Variants in RBFOX1 observed in about 807,000 individuals in gnomAD.
The protein encoded by RBFOX1 is RNA binding fox-1 homolog 1.
A neutral mutation model predicts 57.7 loss-of-function variants in RBFOX1; 8 were observed. That is an observed-to-expected ratio of 0.14 (90% CI 0.08 to 0.25). RBFOX1 has a LOEUF of 0.25. Ranked by LOEUF, RBFOX1 falls within the 10% of genes least tolerant of loss-of-function variation. RBFOX1 has a pLI of 1.00. For synonymous variants in RBFOX1, 326 were observed against 222.4 expected (o/e 1.47, Z -4.15); for missense variants, 611 against 548.5 (o/e 1.11, Z -1.14).
At chr16:7,276,661 C>G (rs1332406028) in intron 4 of RBFOX1, among the ~76,000 whole-genome samples, 1 of 152,178 alleles carries the variant, frequency 6.6e-6, no homozygotes, top group Non-Finnish European at 1.5e-5. Flanking sequence ...CAGGTTACCT[C>G]TCCCAACCTC....
chr16:5,657,959 T>C (rs1171420437), intron 3 of RBFOX1, among the ~76,000 whole-genome samples: 1 of 152,022 alleles, frequency 6.6e-6, no homozygotes, highest in Non-Finnish European at 1.5e-5. Flanking sequence ...CTTGAACTCC[T>C]GATTTCAGGT....
intron 3 of RBFOX1, among the ~76,000 whole-genome samples, chr16:6,788,466 A>ATTTATTT (rs998854922): frequency 4.0e-5 from 6 of 150,804 alleles, no homozygotes; most frequent in South Asian, 2.1e-4. Context: ...ATTATTATTT[A>ATTTATTT]TTTATTTTTT....
intron 3 of RBFOX1, among the ~76,000 whole-genome samples, chr16:6,951,333 G>C (rs1292437220): frequency 6.6e-6 from 1 of 152,138 alleles, no homozygotes; most frequent in African/African-American, 2.4e-5. Flanking sequence ...TGTCATTATT[G>C]TCTGAGGGTA....
At chr16:6,850,738 C>T (rs897654894) in intron 3 of RBFOX1, among the ~76,000 whole-genome samples, 4 of 152,046 alleles carry the variant, frequency 2.6e-5, no homozygotes, top group African/African-American at 9.7e-5. Flanking sequence ...AGTGACAATA[C>T]CAAATGCTGT....
intron 3 of RBFOX1, among the ~76,000 whole-genome samples, chr16:6,715,381 C>A (rs2064587878): frequency 6.6e-6 from 1 of 151,920 alleles, no homozygotes; most frequent in Non-Finnish European, 1.5e-5. Flanking sequence ...AATGCTGCAG[C>A]TTTATCTTGC....
At chr16:5,433,471 G>C (rs2067815748) in intron 1 of RBFOX1, among the ~76,000 whole-genome samples, 1 of 152,180 alleles carries the variant, frequency 6.6e-6, no homozygotes. Context: ...CTGAAAATAG[G>C]ATTATAGCTC....
intron 4 of RBFOX1, among the ~76,000 whole-genome samples, chr16:7,254,782 G>A (rs529799490): frequency 2.6e-5 from 4 of 152,014 alleles, no homozygotes; most frequent in Non-Finnish European, 4.4e-5. Context: ...TACCTAGAAG[G>A]GTGCTTTATG....
At chr16:6,307,542 T>G (rs55863888) in intron 1 of RBFOX1, among the ~76,000 whole-genome samples, 46,588 of 148,490 alleles carry the variant, frequency 0.31, 7,448 homozygotes, top group African/African-American at 0.39. Context: ...ATTTAATATA[T>G]TAAGTCATTA....
intron 4 of RBFOX1, among the ~76,000 whole-genome samples, chr16:7,132,332 G>A (rs2070709592): frequency 6.6e-6 from 1 of 151,624 alleles, no homozygotes; most frequent in Admixed American, 6.6e-5. Context: ...ATTTTTAATT[G>A]AACTCCTATG....
At chr16:5,565,195 G>A (rs1205760420) in intron 2 of RBFOX1, among the ~76,000 whole-genome samples, 1 of 152,154 alleles carries the variant, frequency 6.6e-6, no homozygotes, top group African/African-American at 2.4e-5. Flanking sequence ...CTAATAAGGT[G>A]CCTTTTCCTT....
chr16:6,333,085 GC>G (rs1439971379), intron 2 of RBFOX1, among the ~76,000 whole-genome samples: 1 of 151,976 alleles, frequency 6.6e-6, no homozygotes, highest in African/African-American at 2.4e-5. Flanking sequence ...TGCCACCTAG[GC>G]TGGAGTGCGG....
chr16:6,007,241 T>C (rs2152334519), intron 4 of RBFOX1, among the ~76,000 whole-genome samples: 1 of 152,290 alleles, frequency 6.6e-6, no homozygotes, highest in East Asian at 1.9e-4. Flanking sequence ...AGATATCACT[T>C]CCAAGACTGA....
chr16:7,535,747 C>G (rs2081317470), intron 5 of RBFOX1, among the ~76,000 whole-genome samples: 1 of 152,218 alleles, frequency 6.6e-6, no homozygotes, highest in South Asian at 2.1e-4. Context: ...ACTAAATACA[C>G]ATGAACAATT....
intron 2 of RBFOX1, among the ~76,000 whole-genome samples, chr16:6,378,577 T>C (rs1344054169): frequency 3.3e-5 from 5 of 152,130 alleles, no homozygotes; most frequent in Non-Finnish European, 7.4e-5. Flanking sequence ...CCCACCCCCA[T>C]TTCTAAATAA....
chr16:6,982,675 G>C (rs1454366552), intron 3 of RBFOX1, among the ~76,000 whole-genome samples: 6 of 152,140 alleles, frequency 3.9e-5, no homozygotes. Context: ...GTAAGAGGTA[G>C]ATTTACTGTT....
chr16:7,082,980 G>GA (rs5815363), intron 4 of RBFOX1, among the ~76,000 whole-genome samples: 17,786 of 151,904 alleles, frequency 0.12, 1,253 homozygotes, highest in Non-Finnish European at 0.15. Flanking sequence ...TGTAAATATG[G>GA]AAAAAAATGG....
intron 4 of RBFOX1, among the ~76,000 whole-genome samples, chr16:7,090,142 A>G (rs999311505): frequency 1.3e-5 from 2 of 152,304 alleles, no homozygotes; most frequent in African/African-American, 4.8e-5. Flanking sequence ...CTTTAGGAAA[A>G]TGAGCCTCAG....
chr16:7,136,456 G>C (rs1375590336), intron 4 of RBFOX1, among the ~76,000 whole-genome samples: 3 of 147,590 alleles, frequency 2.0e-5, no homozygotes, highest in African/African-American at 7.7e-5. Flanking sequence ...ATCCAGGCTG[G>C]AGGGCAGTGG....
intron 4 of RBFOX1, among the ~76,000 whole-genome samples, chr16:7,480,736 G>A (rs1030659813): frequency 6.6e-6 from 1 of 152,214 alleles, no homozygotes; most frequent in African/African-American, 2.4e-5. Flanking sequence ...GAGGGCACAG[G>A]CTTGACTGCA....
Sources: gnomAD v4.1 joint callset for allele counts (sites outside exome capture counted in the v4.1 genomes callset) on GRCh38, gnomAD v4.1.1 for gene constraint, MANE v1.5 for transcripts, NCBI Gene and HGNC (gene_info 2026-07-23, HGNC 2026-07-21) for gene names.